Variants in TF observed in about 807,000 individuals in gnomAD.
TF encodes transferrin.
Under a neutral mutation model 82.4 loss-of-function variants are expected in TF, and 55 were observed. The ratio of observed to expected loss-of-function variants is 0.67; its 90% confidence interval spans 0.54 to 0.84. TF has a LOEUF of 0.84. Among genes scored for constraint, TF ranks in the 40% least tolerant of loss-of-function variants. TF has a pLI of 0.00. For missense variants in TF, 737 were observed against 868.4 expected (o/e 0.85, Z 1.90); for synonymous variants, 332 against 332.6 (o/e 1.00, Z 0.02).
chr3:133,705,817 A>G, the TF span, among the ~76,000 whole-genome samples: 3 of 152,214 alleles, frequency 2.0e-5, no homozygotes, highest in African/African-American at 7.2e-5. Context: ...GTAAAGGCCC[A>G]TTGTTGGGGA....
intron 9 of TF, among the ~76,000 whole-genome samples, chr3:133,763,093 T>G (rs1238986975): frequency 6.6e-6 from 1 of 152,148 alleles, no homozygotes; most frequent in Non-Finnish European, 1.5e-5. Context: ...GTATAAGGAG[T>G]TTTCTGAATC....
the TF span, among the ~76,000 whole-genome samples, chr3:133,725,406 C>A: frequency 6.6e-5 from 10 of 152,156 alleles, no homozygotes; most frequent in South Asian, 6.2e-4. Context: ...GTATTTTATT[C>A]TCTTTGAAGC....
chr3:133,774,100 T>C (rs1934325851), intron 14 of TF: 1 of 152,198 alleles, frequency 6.6e-6, no homozygotes, highest in African/African-American at 2.4e-5. Flanking sequence ...AAATATAAAA[T>C]ATTATTATCC....
the TF span, among the ~76,000 whole-genome samples, chr3:133,726,373 G>C: frequency 6.6e-6 from 1 of 152,124 alleles, no homozygotes; most frequent in African/African-American, 2.4e-5. Context: ...ACTTCTTCCT[G>C]GTTTAGTCTT....
the TF span, among the ~76,000 whole-genome samples, chr3:133,668,440 G>A: frequency 2.0e-5 from 3 of 152,120 alleles, no homozygotes. Context: ...ACCCCCAATC[G>A]AGAGCCTCCT....
chr3:133,749,363 T>C (rs886806449), intron 2 of TF, among the ~76,000 whole-genome samples: 4 of 152,200 alleles, frequency 2.6e-5, no homozygotes, highest in Admixed American at 2.0e-4. Context: ...TGCCCATCTG[T>C]ACATGTCAGA....
rs1048021081 is a variant in TF at position 133,796,094 on chromosome 3, CT to C, written c.*17475del. Reference sequence around the variant, plus strand: ...TCCTGACAGCATAGATATCCACCCCCTGAGTTCCCATTAAATCTTTTAACCA... The same window carrying C: ...TCCTGACAGCATAGATATCCACCCCCGAGTTCCCATTAAATCTTTTAACCA... On this transcript the variant is annotated 3_prime_UTR_variant, in exon 17 of 17. Transcript: ENST00000402696. 1 of 152,856 alleles carries C rather than the reference CT, an allele frequency of 6.5e-6. No individual in the cohort carries two copies. Among genetic ancestry groups the C allele is most frequent in the African/African-American group, 2.4e-5 (1 of 41,084 alleles). The allele number at this position is 152,856 out of a possible 1,614,324, so 9.5% of individuals were successfully genotyped here.
At chr3:133,766,126 G>A (rs918030026) in intron 11 of TF, 152 bp from the exon 12 acceptor site, 5 of 788,012 alleles carry the variant, frequency 6.3e-6, no homozygotes, top group Non-Finnish European at 1.1e-5. Flanking sequence ...AGAGTTCCTT[G>A]TACTTCCCCT....
the TF span, among the ~76,000 whole-genome samples, chr3:133,714,751 C>T: frequency 5.9e-5 from 9 of 152,216 alleles, no homozygotes; most frequent in African/African-American, 1.9e-4. Flanking sequence ...GGTGCGATCT[C>T]GGCTCAATGA....
upstream of TF, among the ~76,000 whole-genome samples, chr3:133,743,623 C>CAGATGCTAAA (rs540425702): frequency 2.4e-3 from 373 of 152,258 alleles, 1 homozygote; most frequent in Middle Eastern, 0.01. Context: ...CTGTAAGATA[C>CAGATGCTAAA]AGATGCTAAA....
chr3:133,677,177 G>A, the TF span, among the ~76,000 whole-genome samples: 2 of 152,178 alleles, frequency 1.3e-5, no homozygotes, highest in Admixed American at 1.3e-4. Flanking sequence ...TCTCTATTCG[G>A]TGAGCATCAG....
At chr3:133,680,246 C>T in the TF span, among the ~76,000 whole-genome samples, 1 of 151,730 alleles carries the variant, frequency 6.6e-6, no homozygotes, top group Non-Finnish European at 1.5e-5. Flanking sequence ...CCCTCTGTTG[C>T]CCAGGCTGGA....
the TF span, among the ~76,000 whole-genome samples, chr3:133,725,248 G>C: frequency 6.6e-6 from 1 of 152,202 alleles, no homozygotes; most frequent in Non-Finnish European, 1.5e-5. Context: ...ACCTTGGGCA[G>C]TATGGCCATT....
the TF span, among the ~76,000 whole-genome samples, chr3:133,686,641 A>G: frequency 0.26 from 39,689 of 152,100 alleles, 5,544 homozygotes; most frequent in East Asian, 0.48. Flanking sequence ...AATCAAAACC[A>G]CAATGAGATA....
Position 133,780,153 on chromosome 3 carries a change from C to T in TF, c.*1533C>T, listed in dbSNP as rs1476475792. 1 of 152,232 alleles carries T rather than the reference C, an allele frequency of 6.6e-6. No homozygotes were observed. The highest frequency in any genetic ancestry group is 1.9e-4 in the East Asian group (1 of 5,202). The allele number at this position is 152,232 out of a possible 1,614,324, so 9.4% of individuals were successfully genotyped here. On this transcript the variant is annotated 3_prime_UTR_variant, in exon 17 of 17. Coordinates refer to ENST00000402696, the MANE Select transcript of TF (RefSeq NM_001063.4). ...TCAAGAAAATAGGACTCTGGGTCCACTTTGCAGTCCAGACCTGATATGGAC... is the reference window on the plus strand; with the variant it reads ...TCAAGAAAATAGGACTCTGGGTCCATTTTGCAGTCCAGACCTGATATGGAC...
the TF span, among the ~76,000 whole-genome samples, chr3:133,711,004 T>TC: frequency 6.6e-6 from 1 of 152,150 alleles, no homozygotes; most frequent in Non-Finnish European, 1.5e-5. Context: ...TTCTGTTGCT[T>TC]CCCCCATGAC....
chr3:133,766,338 A>G lies in TF; in HGVS notation c.1391A>G (p.Lys464Arg), dbSNP rs753390506. 1.2e-6 allele frequency: 2 copies of G among 1,614,216 alleles called. No homozygotes were observed. The highest frequency in any genetic ancestry group is 1.7e-6 in the Non-Finnish European group (2 of 1,180,022). Reference sequence around the variant, plus strand: ...TCTGACCTCACCTGGGACAATCTGAAAGGCAAGAAGTCCTGCCATACGGCA... The same window carrying G: ...TCTGACCTCACCTGGGACAATCTGAGAGGCAAGAAGTCCTGCCATACGGCA... ...SASDLTWDNL[K>R]GKKSCHTAVG... The change falls in exon 12 of 17, where the codon AAA (lysine) becomes AGA (arginine). Residue 464 changes from lysine (K) to arginine (R), a missense_variant. Lys to Arg is a conservative substitution (Grantham distance 26, BLOSUM62 2). Coordinates refer to ENST00000402696, the MANE Select transcript of TF (RefSeq NM_001063.4).
rs1488791274 is a variant in TF, at chr3:133,775,633, G to A, written c.1872+16G>A. ...TCAACAGCAGGTATGGACCAGCCAGGTCCTCCCACCTTTTCTTCCTAGATG... is the reference window on the plus strand; with the variant it reads ...TCAACAGCAGGTATGGACCAGCCAGATCCTCCCACCTTTTCTTCCTAGATG... On this transcript the variant is annotated intron_variant, in intron 15 of 16. Coordinates refer to ENST00000402696, the MANE Select transcript of TF (RefSeq NM_001063.4). 6.2e-7 allele frequency: 1 copy of A among 1,613,408 alleles called. No individual in the cohort carries two copies. Among genetic ancestry groups the A allele is most frequent in the Non-Finnish European group, 8.5e-7 (1 of 1,179,894 alleles).
chr3:133,764,726 A>G (rs542402965), intron 10 of TF, 149 bp from the exon 11 acceptor site: 120 of 759,740 alleles, frequency 1.6e-4, no homozygotes, highest in East Asian at 1.7e-4. Context: ...TGCATGATCC[A>G]GAGAGTCTGG....
Sources: allele counts gnomAD v4.1 joint callset (sites outside exome capture counted in the v4.1 genomes callset), GRCh38; gene constraint gnomAD v4.1.1; transcripts MANE v1.5; gene names NCBI Gene and HGNC (gene_info 2026-07-23, HGNC 2026-07-21).